Variants in ADCY6 observed in about 807,000 individuals in gnomAD.
ADCY6 encodes adenylate cyclase type 6.
Under a neutral mutation model 111.6 loss-of-function variants are expected in ADCY6, and 59 were observed. That is an observed-to-expected ratio of 0.53 (90% CI 0.43 to 0.66). The LOEUF (loss-of-function observed/expected upper bound fraction) is 0.66, where lower values mean the gene tolerates loss of function less well. ADCY6 is among the 30% of genes least tolerant of loss of function. The pLI, the probability that ADCY6 is intolerant of heterozygous loss-of-function variation, is 0.00. For missense variants in ADCY6, 1,242 were observed against 1,595.6 expected (o/e 0.78, Z 3.78); for synonymous variants, 576 against 642.9 (o/e 0.90, Z 1.57).
At chr12:48,779,124 C>T (rs776124617) in intron 2 of ADCY6, among the ~76,000 whole-genome samples, 7 of 151,852 alleles carry the variant, frequency 4.6e-5, no homozygotes, top group Admixed American at 6.6e-5. Flanking sequence ...TCAAGTGATC[C>T]GCCCACCTCG....
At chr12:48,787,150 C>A (rs943772812) in intron 1 of ADCY6, among the ~76,000 whole-genome samples, 1 of 152,152 alleles carries the variant, frequency 6.6e-6, no homozygotes, top group Non-Finnish European at 1.5e-5. Context: ...AGACAGAGCC[C>A]AGAGTGAGCA....
intron 12 of ADCY6, 46 bp from the exon 13 acceptor site, chr12:48,774,824 T>G (rs1941651031): frequency 6.3e-7 from 1 of 1,584,146 alleles, no homozygotes; most frequent in Admixed American, 1.8e-5. Context: ...CTGGAAGATC[T>G]GGGCATTCTT....
intron 2 of ADCY6, among the ~76,000 whole-genome samples, chr12:48,780,034 T>G (rs1378712595): frequency 3.9e-5 from 6 of 152,000 alleles, no homozygotes; most frequent in Admixed American, 3.9e-4. Context: ...AGGGGCACAC[T>G]ATCTCCCTTG....
chr12:48,775,050 G>T lies in ADCY6; in HGVS notation c.1985C>A (p.Ser662Tyr). 1 of 1,554,126 alleles carries T rather than the reference G, an allele frequency of 6.4e-7. No homozygotes were observed. Among genetic ancestry groups the T allele is most frequent in the Non-Finnish European group, 8.7e-7 (1 of 1,148,272 alleles). ...TCCGAAGCGGGGATCCACCTTCCGGGAGTACTGAGGGAGAGGAGGCTGAGC... is the reference window on the plus strand; with the variant it reads ...TCCGAAGCGGGGATCCACCTTCCGGTAGTACTGAGGGAGAGGAGGCTGAGC... Reference protein sequence around the residue: ...FQREDLEKKYSRKVDPRFGAY... With the variant: ...FQREDLEKKYYRKVDPRFGAY... The change falls in exon 12 of 22, where the codon TCC (serine) becomes TAC (tyrosine). Residue 662 changes from serine to tyrosine, a missense_variant. Physicochemically the swap from Ser to Tyr is moderately radical, Grantham distance 144. Around this residue, in one of 4 missense-constraint regions of ADCY6, gnomAD observed 375 missense variants for 432.5 expected, o/e 0.87. Coordinates refer to ENST00000357869, the MANE Select transcript of ADCY6 (RefSeq NM_015270.5).
intron 2 of ADCY6, among the ~76,000 whole-genome samples, chr12:48,779,259 A>G (rs1188044011): frequency 1.3e-5 from 2 of 152,186 alleles, no homozygotes; most frequent in African/African-American, 4.8e-5. Flanking sequence ...GGAATGAGGC[A>G]CAGAGAGGCC....
At chr12:48,786,901 C>A (rs902423546) in intron 1 of ADCY6, among the ~76,000 whole-genome samples, 5 of 152,214 alleles carry the variant, frequency 3.3e-5, no homozygotes, top group Non-Finnish European at 7.3e-5. Flanking sequence ...CCTTCATCTG[C>A]AAAATGGAAA....
Position 48,778,218 on chromosome 12 carries a change from T to C in ADCY6, c.904A>G (p.Ile302Val). ...NVLLFLCTNV[I>V]GICTHYPAEV... ...GCTGGATAGTGTGTGCAGATGCCAA[T>C]GACGTTGGTGCAGAGGAACAGCAGC... Residue 302 changes from isoleucine to valine, a missense_variant, in exon 3 of 22, where the codon ATT becomes GTT. Physicochemically the swap from Ile to Val is conservative, Grantham distance 29. This residue lies in a region of ADCY6 where 260 missense variants were observed against 414.6 expected (regional missense o/e 0.63). Coordinates refer to ENST00000357869, the MANE Select transcript of ADCY6 (RefSeq NM_015270.5). 1 of 1,614,072 alleles carries C rather than the reference T, an allele frequency of 6.2e-7. No homozygotes were observed. The highest frequency in any genetic ancestry group is 1.1e-5 in the South Asian group (1 of 91,090).
chr12:48,770,742 C>G (rs545664481), intron 20 of ADCY6, 24 bp downstream of exon 20: 3 of 1,608,522 alleles, frequency 1.9e-6, no homozygotes, highest in East Asian at 2.2e-5. Flanking sequence ...TGGGAAAACC[C>G]GCCAAGCAAC....
chr12:48,775,041 A>C lies in ADCY6; in HGVS notation c.1994T>G (p.Val665Gly). The stretch of plus-strand genomic sequence containing the variant: ...AACGTAGGCTCCGAAGCGGGGATCC[A>C]CCTTCCGGGAGTACTGAGGGAGAGG... ...EDLEKKYSRK[V>G]DPRFGAYVAC... Residue 665 changes from valine (V) to glycine (G), a missense_variant, in exon 12 of 22, where the codon GTG (valine) becomes GGG (glycine). By Grantham distance (109) the Val-to-Gly change is moderately radical. Transcript: ENST00000357869. 1 of 1,555,026 alleles carries C rather than the reference A, an allele frequency of 6.4e-7. No individual in the cohort carries two copies. The highest frequency in any genetic ancestry group is 8.7e-7 in the Non-Finnish European group (1 of 1,148,792).
Position 48,777,292 on chromosome 12 carries a change from T to A in ADCY6, c.1249-61A>T. 1 of 1,594,224 alleles carries A rather than the reference T, an allele frequency of 6.3e-7. No individual in the cohort carries two copies. Among genetic ancestry groups the A allele is most frequent in the South Asian group, 1.1e-5 (1 of 87,862 alleles). On this transcript the variant is annotated intron_variant, in intron 5 of 21. Coordinates refer to ENST00000357869, the MANE Select transcript of ADCY6 (RefSeq NM_015270.5). This position sits in a 1 kb window ranked among gnomAD's most constrained non-coding sequence, Gnocchi z 4.9. ...TACTCTCTTGCCCACCCAGCCTGCA[T>A]GGCCCACCACCCTCCACGCATACTC...
chr12:48,772,600 C>G, intron 16 of ADCY6, 57 bp from the exon 17 acceptor site: 1 of 1,600,318 alleles, frequency 6.2e-7, no homozygotes, highest in Non-Finnish European at 8.6e-7. Flanking sequence ...GCTGGGTGGG[C>G]ACATGGAAGG....
rs1417134884 is a variant in ADCY6, at chr12:48,772,544, C to G, written c.2622-1G>C. The G allele has an allele frequency of 6.2e-7, 1 of 1,614,054 alleles. No homozygotes were observed. Among genetic ancestry groups the G allele is most frequent in the Non-Finnish European group, 8.5e-7 (1 of 1,180,036 alleles). The stretch of plus-strand genomic sequence containing the variant: ...ATCAAAGGTCTCATTGGAAGAAGCC[C>G]TGGTAAGAAGATAGAAGAGACAAAG... On this transcript the variant is annotated splice_acceptor_variant, in intron 16 of 21. Transcript: ENST00000357869. LOFTEE classifies it high-confidence loss of function.
intron 12 of ADCY6, 66 bp downstream of exon 12, chr12:48,774,891 G>A: frequency 1.3e-6 from 2 of 1,523,854 alleles, no homozygotes; most frequent in Non-Finnish European, 1.8e-6. Context: ...GGCTTGTGTG[G>A]GTATTTAGGA....
At chr12:48,778,432 A>G in intron 2 of ADCY6, 175 bp from the exon 3 acceptor site, 1 of 684,030 alleles carries the variant, frequency 1.5e-6, no homozygotes, top group South Asian at 2.0e-5. Flanking sequence ...TACCCACAGG[A>G]CCCCAGATCC....
In ADCY6 at chr12:48,774,115, G is replaced by A; in HGVS notation, c.2284-17C>T. On this transcript the variant is annotated splice_polypyrimidine_tract_variant and intron_variant, in intron 14 of 21. Coordinates refer to ENST00000357869, the MANE Select transcript of ADCY6 (RefSeq NM_015270.5). ...ACAGGTGAACTGCAAAAGTGGAGGG[G>A]TATATCAGGGTAACCAAGGAGGGAA... 6.3e-7 allele frequency: 1 copy of A among 1,597,168 alleles called. No homozygotes were observed. Among genetic ancestry groups the A allele is most frequent in the South Asian group, 1.1e-5 (1 of 88,796 alleles).
rs754465816 is a variant in ADCY6, at chr12:48,770,805, T to C, written c.3217A>G (p.Ile1073Val). 1 of 1,614,104 alleles carries C rather than the reference T, an allele frequency of 6.2e-7. No individual in the cohort carries two copies. Among genetic ancestry groups the C allele is most frequent in the Non-Finnish European group, 8.5e-7 (1 of 1,180,056 alleles). ...AMRLMEQMKH[I>V]NEHSFNNFQM... The stretch of plus-strand genomic sequence containing the variant: ...AAATTGTTGAAGGAGTGCTCATTGA[T>C]GTGCTTCATCTGCTCCATGAGCCGC... The change falls in exon 20 of 22, where the codon ATC becomes GTC. Residue 1073 changes from isoleucine to valine, a missense_variant. Physicochemically the swap from Ile to Val is conservative, Grantham distance 29. This residue lies in a region of ADCY6 where 245 missense variants were observed against 371.3 expected (regional missense o/e 0.66). Coordinates refer to ENST00000357869, the MANE Select transcript of ADCY6 (RefSeq NM_015270.5).
Position 48,782,585 on chromosome 12 carries a change from AG to A in ADCY6, c.849del (p.Phe284SerfsTer71). ...TGGCCACCTACCTGCTTCCAGAGGA[AG>A]GCATCACCACGGTTAAGTTGCCAGG... is the stretch of plus-strand genomic sequence containing the variant. The part of the protein sequence containing the change: ...ILAWQLNRGD[A>X]FLWKQLGANV... On this transcript the variant is annotated frameshift_variant, in exon 2 of 22. Transcript: ENST00000357869. LOFTEE classifies it high-confidence loss of function. This position sits in a 1 kb window ranked among gnomAD's most constrained non-coding sequence, Gnocchi z 4.3. The A allele has an allele frequency of 6.2e-7, 1 of 1,610,874 alleles. No individual in the cohort carries two copies. The highest frequency in any genetic ancestry group is 8.5e-7 in the Non-Finnish European group (1 of 1,178,272).
chr12:48,787,339 C>A (rs1941996645), intron 1 of ADCY6, among the ~76,000 whole-genome samples: 1 of 152,050 alleles, frequency 6.6e-6, no homozygotes, highest in Admixed American at 6.5e-5. Context: ...ATCCTAGCAT[C>A]TGGCTCATAC....
chr12:48,783,494 T>C (rs968786654), intron 1 of ADCY6, 56 bp from the exon 2 acceptor site: 11 of 1,608,492 alleles, frequency 6.8e-6, no homozygotes, highest in Non-Finnish European at 9.3e-6. Context: ...GTGGTATTAA[T>C]ACCACCATCA....
Sources: gnomAD v4.1 joint callset for allele counts (sites outside exome capture counted in the v4.1 genomes callset) on GRCh38, gnomAD v4.1.1 for gene constraint, gnomAD v4.1.1 regional missense constraint, Gnocchi (gnomAD v3.1) non-coding constraint, MANE v1.5 for transcripts, NCBI Gene and HGNC (gene_info 2026-07-23, HGNC 2026-07-21) for gene names.